The following TBC1D2 variants were observed in gnomAD, a reference collection of about 807,000 sequenced individuals.
TBC1D2 encodes the protein TBC1 domain family member 2A.
A neutral mutation model predicts 91.1 loss-of-function variants in TBC1D2; 58 were observed. That is an observed-to-expected ratio of 0.64 (90% CI 0.52 to 0.79). The LOEUF is 0.79. TBC1D2 is among the 30% of genes least tolerant of loss of function. TBC1D2 has a pLI of 0.00. For missense variants in TBC1D2, 1,080 were observed against 1,208.3 expected (o/e 0.89, Z 1.57); for synonymous variants, 482 against 511.5 (o/e 0.94, Z 0.78).
At chr9:98,232,343 T>TTTTCTTTTTTG (rs1829391280) in intron 4 of TBC1D2, among the ~76,000 whole-genome samples, 1 of 108,554 alleles carries the variant, frequency 9.2e-6, no homozygotes, top group Non-Finnish European at 1.8e-5. Context: ...TCTTTTTCTG[T>TTTTCTTTTTTG]TTTTTTTTTT....
At chr9:98,254,256 C>T (rs1829928851) in intron 1 of TBC1D2, among the ~76,000 whole-genome samples, 1 of 152,148 alleles carries the variant, frequency 6.6e-6, no homozygotes, top group Non-Finnish European at 1.5e-5. Context: ...ATCTGTCTTT[C>T]CAATTAAGTT....
chr9:98,240,493 T>C (rs1563986993), intron 3 of TBC1D2, among the ~76,000 whole-genome samples: 1 of 152,352 alleles, frequency 6.6e-6, no homozygotes, highest in East Asian at 1.9e-4. Flanking sequence ...TACTATTTAC[T>C]GAGCATCACT....
chr9:98,241,492 C>T (rs1468048111), intron 3 of TBC1D2, among the ~76,000 whole-genome samples: 2 of 152,190 alleles, frequency 1.3e-5, no homozygotes, highest in Non-Finnish European at 1.5e-5. Flanking sequence ...CTCAGCAGCC[C>T]AGGGCACTTC....
At position 98,229,030 on chromosome 9, in the gene TBC1D2, C is replaced by T; in HGVS notation, c.900G>A (p.Arg300=). Residue 300 remains arginine, a synonymous_variant, in exon 5 of 13, where the codon CGG becomes CGA. Coordinates refer to ENST00000465784, the MANE Select transcript of TBC1D2 (RefSeq NM_001267571.2). ...TFPFFSEGIT[R]NRTAQEKVAA... ...CCACTTTCTCCTGGGCAGTTCGGTT[C>T]CGTGTGATTCCTTCAGAAAAGAATG... The T allele has an allele frequency of 6.2e-7, 1 of 1,614,188 alleles. No homozygotes were observed.
chr9:98,251,789 C>T lies in TBC1D2; in HGVS notation c.507G>A (p.Glu169=), dbSNP rs907625569. The change falls in exon 2 of 13, where the codon GAG becomes GAA. Residue 169 remains glutamate (E), a synonymous_variant. Coordinates refer to ENST00000465784, the MANE Select transcript of TBC1D2 (RefSeq NM_001267571.2). ...GGAGGGTAGCCCATTGGGTACCTAGCTCGAGGTGCAGGACGGGCCCATTCC... is the reference window on the plus strand; with the variant it reads ...GGAGGGTAGCCCATTGGGTACCTAGTTCGAGGTGCAGGACGGGCCCATTCC... ...LAGNGPVLHL[E]LGQEEAELEE... The T allele has an allele frequency of 6.3e-7, 1 of 1,582,904 alleles. No homozygotes were observed. The highest frequency in any genetic ancestry group is 8.6e-7 in the Non-Finnish European group (1 of 1,166,500).
chr9:98,245,633 A>G (rs1829749053), intron 2 of TBC1D2, among the ~76,000 whole-genome samples: 1 of 151,984 alleles, frequency 6.6e-6, no homozygotes, highest in African/African-American at 2.4e-5. Flanking sequence ...AAAGAAATAT[A>G]CTCCGCAATC....
chr9:98,250,716 A>C (rs1352433791), intron 2 of TBC1D2, among the ~76,000 whole-genome samples: 1 of 152,132 alleles, frequency 6.6e-6, no homozygotes, highest in Non-Finnish European at 1.5e-5. Flanking sequence ...GCCCTTGCCT[A>C]TTTGGCCTCC....
At chr9:98,232,396 T>C (rs1213500569) in intron 4 of TBC1D2, among the ~76,000 whole-genome samples, 2 of 148,258 alleles carry the variant, frequency 1.3e-5, no homozygotes, top group African/African-American at 5.1e-5. Flanking sequence ...CACGGCTCAC[T>C]GCAGCCTCGA....
intron 3 of TBC1D2, among the ~76,000 whole-genome samples, chr9:98,242,397 C>T (rs1446214999): frequency 6.7e-6 from 1 of 149,310 alleles, no homozygotes; most frequent in Non-Finnish European, 1.5e-5. Flanking sequence ...GCTGAGATCG[C>T]GCCACTGCTC....
chr9:98,226,249 A>T (rs541024671), intron 5 of TBC1D2, among the ~76,000 whole-genome samples: 1 of 152,274 alleles, frequency 6.6e-6, no homozygotes, highest in South Asian at 2.1e-4. Flanking sequence ...CTCCCTGATC[A>T]CTGCTATGGC....
In TBC1D2 at chr9:98,203,419, A is replaced by C. The variant is rs1372571099; in HGVS notation, c.2151-11T>G. 2 of 1,613,940 alleles carry C rather than the reference A, an allele frequency of 1.2e-6. No homozygotes were observed. Among genetic ancestry groups the C allele is most frequent in the Non-Finnish European group, 1.7e-6 (2 of 1,179,998 alleles). ...GCAATGGCCGCCAGCCTGGAGTAGT[A>C]GGGAAGGCCTGGAGTGATTACAGAA... On this transcript the variant is annotated splice_polypyrimidine_tract_variant and intron_variant, in intron 9 of 12. Coordinates refer to ENST00000465784, the MANE Select transcript of TBC1D2 (RefSeq NM_001267571.2).
intron 3 of TBC1D2, among the ~76,000 whole-genome samples, chr9:98,242,632 C>T (rs918341233): frequency 3.3e-5 from 5 of 151,990 alleles, no homozygotes; most frequent in African/African-American, 1.2e-4. Context: ...ATGCATTAAA[C>T]GATTTAATTA....
chr9:98,210,682 A>G lies in TBC1D2; in HGVS notation c.1647T>C (p.Ser549=). 1.9e-6 allele frequency: 3 copies of G among 1,603,732 alleles called. No homozygotes were observed. Among genetic ancestry groups the G allele is most frequent in the Non-Finnish European group, 1.7e-6 (2 of 1,175,000 alleles). ...ALQWEAGEAS[S]DSIELSPISK... ...TGATGGGGCTCAGCTCGATGCTGTC[A>G]GATGAGGCCTCCCCAGCTTCCCACT... Residue 549 remains serine, a synonymous_variant, in exon 8 of 13, where the codon TCT becomes TCC. Coordinates refer to ENST00000465784, the MANE Select transcript of TBC1D2 (RefSeq NM_001267571.2).
chr9:98,242,441 C>CAA (rs961264421), intron 3 of TBC1D2, among the ~76,000 whole-genome samples: 5 of 76,416 alleles, frequency 6.5e-5, no homozygotes, highest in African/African-American at 9.5e-5. Flanking sequence ...ACTCCATCTC[C>CAA]AAAAAAAAAA....
rs114169180 is a variant in TBC1D2 at position 98,252,227 on chromosome 9, A to G, written c.370-301T>C. On this transcript the variant is annotated intron_variant, in intron 1 of 12. Transcript: ENST00000465784. The stretch of plus-strand genomic sequence containing the variant: ...AGACAAGGGTATCACACAGTATCTG[A>G]CACACAGTAGGTGCTCAAAATGTGC... Among the ~76,000 whole-genome samples, 615 of 152,292 alleles carry G rather than the reference A, an allele frequency of 4.0e-3. 3 individuals are homozygous for G. Among genetic ancestry groups the G allele is most frequent in the African/African-American group, 0.014 (581 of 41,548 alleles).
intron 3 of TBC1D2, among the ~76,000 whole-genome samples, chr9:98,239,636 T>C (rs1448680414): frequency 1.3e-5 from 2 of 152,226 alleles, no homozygotes; most frequent in Admixed American, 6.5e-5. Context: ...ATCTTTCTTA[T>C]GATGTCTTTG....
intron 7 of TBC1D2, 34 bp from the exon 8 acceptor site, chr9:98,210,877 G>C (rs1350180131): frequency 4.6e-6 from 7 of 1,533,472 alleles, no homozygotes; most frequent in Non-Finnish European, 3.5e-6. Flanking sequence ...AGGCTACCGG[G>C]TGGGAGCTGG....
intron 9 of TBC1D2, among the ~76,000 whole-genome samples, chr9:98,206,482 CT>C (rs1828658467): frequency 6.6e-6 from 1 of 152,194 alleles, no homozygotes; most frequent in Admixed American, 6.5e-5. Flanking sequence ...TCCTATGAGG[CT>C]TATCTCAAGT....
At position 98,212,479 on chromosome 9, in the gene TBC1D2, C is replaced by T. The variant is rs533747910; in HGVS notation, c.1485+629G>A. Among the ~76,000 whole-genome samples, 11 of 151,714 alleles carry T rather than the reference C, an allele frequency of 7.3e-5. No homozygotes were observed. The South Asian group carries it at 2.3e-3, about 32-fold the overall frequency. On this transcript the variant is annotated intron_variant, in intron 7 of 12. Coordinates refer to ENST00000465784, the MANE Select transcript of TBC1D2 (RefSeq NM_001267571.2). Reference sequence around the variant, plus strand: ...GACTTTCCTTCCTCCCTTTGGGCCCCCAAGAATCCCACAAGTCCAAGTGCA... The same window carrying T: ...GACTTTCCTTCCTCCCTTTGGGCCCTCAAGAATCCCACAAGTCCAAGTGCA...
Sources: gnomAD v4.1 joint callset for allele counts (sites outside exome capture counted in the v4.1 genomes callset) on GRCh38, gnomAD v4.1.1 for gene constraint, MANE v1.5 for transcripts, NCBI Gene and HGNC (gene_info 2026-07-23, HGNC 2026-07-21) for gene names.